The following CCDC30 variants were observed in gnomAD, a reference collection of about 807,000 sequenced individuals.
CCDC30 encodes coiled-coil domain containing 30.
CCDC30 carries 70 observed loss-of-function variants against 100.2 expected under a neutral mutation model. The ratio of observed to expected loss-of-function variants is 0.70; its 90% CI spans 0.58 to 0.85. The LOEUF (loss-of-function observed/expected upper bound fraction) is 0.85. Ranked by LOEUF, CCDC30 falls within the 40% of genes least tolerant of loss-of-function variation. The probability of loss-of-function intolerance (pLI) is 0.00; values close to 1 mark genes in which losing one functional copy is unlikely to be tolerated. For synonymous variants in CCDC30, 233 were observed against 269.5 expected (o/e 0.86, Z 1.33); for missense variants, 652 against 771.2 (o/e 0.85, Z 1.83).
intron 6 of CCDC30, among the ~76,000 whole-genome samples, chr1:42,539,927 A>G (rs1644980184): frequency 6.6e-6 from 1 of 151,996 alleles, no homozygotes; most frequent in South Asian, 2.1e-4. Context: ...CTAAAAAAAA[A>G]AAAAAAGAAA....
intron 3 of CCDC30, 71 bp downstream of exon 3, chr1:42,482,887 A>C: frequency 1.0e-6 from 1 of 968,134 alleles, no homozygotes; most frequent in Non-Finnish European, 1.3e-6. Context: ...AGGGTGGAAC[A>C]TGAGAAAAAA....
chr1:42,566,985 T>C (rs1445715137), intron 7 of CCDC30, among the ~76,000 whole-genome samples: 2 of 152,186 alleles, frequency 1.3e-5, no homozygotes, highest in Non-Finnish European at 2.9e-5. Context: ...ATGGACCACA[T>C]AAATGTTTAA....
upstream of CCDC30, among the ~76,000 whole-genome samples, chr1:42,463,049 T>A (rs997143865): frequency 6.6e-6 from 1 of 152,238 alleles, no homozygotes; most frequent in African/African-American, 2.4e-5. Flanking sequence ...AGACAAAATG[T>A]ATTCGCTAAG....
intron 6 of CCDC30, chr1:42,545,471 C>A: frequency 1.9e-6 from 3 of 1,603,250 alleles, no homozygotes; most frequent in Non-Finnish European, 2.6e-6. Flanking sequence ...GGAAAAACTG[C>A]ACCTTCTAAT....
intron 6 of CCDC30, chr1:42,510,196 T>A (rs1438494211): frequency 8.0e-6 from 6 of 752,962 alleles, no homozygotes; most frequent in South Asian, 6.0e-5. Context: ...ATGATTCCCC[T>A]GTTTCTTTAC....
chr1:42,562,432 T>C (rs111466038), intron 6 of CCDC30, among the ~76,000 whole-genome samples: 58,510 of 152,072 alleles, frequency 0.38, 11,779 homozygotes, highest in East Asian at 0.59. Context: ...GACCCCTTCC[T>C]GACACCTTAA....
chr1:42,559,052 A>C (rs1330379358), intron 6 of CCDC30, among the ~76,000 whole-genome samples: 1 of 152,202 alleles, frequency 6.6e-6, no homozygotes. Context: ...TAAGCGTCAT[A>C]AGTGAAGGAG....
intron 6 of CCDC30, among the ~76,000 whole-genome samples, chr1:42,532,993 G>A (rs531504839): frequency 4.6e-5 from 7 of 152,126 alleles, no homozygotes; most frequent in South Asian, 4.1e-4. Flanking sequence ...TCCTGACCTC[G>A]TGATCCACCC....
exon 13 of CCDC30, chr1:42,642,500 G>C (rs1289748388): frequency 4.4e-6 from 7 of 1,595,394 alleles, no homozygotes; most frequent in Non-Finnish European, 6.0e-6. Context: ...CCAGATCACT[G>C]CCCAAAATGA....
chr1:42,614,262 A>G (rs959093359), intron 11 of CCDC30, among the ~76,000 whole-genome samples: 11 of 151,084 alleles, frequency 7.3e-5, no homozygotes, highest in Non-Finnish European at 1.5e-4. Flanking sequence ...TTGTATTTTT[A>G]TTACAGACAG....
chr1:42,624,269 GA>G (rs1646892677), intron 11 of CCDC30, among the ~76,000 whole-genome samples: 1 of 152,106 alleles, frequency 6.6e-6, no homozygotes, highest in Non-Finnish European at 1.5e-5. Flanking sequence ...AAAGGATGTT[GA>G]ATTTTATCAA....
At chr1:42,500,128 G>C (rs1644286807) in intron 6 of CCDC30, 2 of 1,313,590 alleles carry the variant, frequency 1.5e-6, no homozygotes, top group Admixed American at 1.7e-5. Flanking sequence ...ATCTTACAAA[G>C]TTAAACAGCT....
chr1:42,459,686 G>A (rs756199633), upstream of CCDC30: 22 of 1,614,094 alleles, frequency 1.4e-5, no homozygotes, highest in Non-Finnish European at 1.9e-5. Flanking sequence ...CCTTTAAGTT[G>A]GAGACTGACC....
At chr1:42,545,135 C>A (rs1645096486) in intron 6 of CCDC30, among the ~76,000 whole-genome samples, 1 of 133,628 alleles carries the variant, frequency 7.5e-6, no homozygotes, top group Non-Finnish European at 1.5e-5. Flanking sequence ...ACTCTGAGAA[C>A]CCAACCCCAG....
chr1:42,621,027 G>A (rs1026037654), intron 11 of CCDC30, among the ~76,000 whole-genome samples: 1 of 152,184 alleles, frequency 6.6e-6, no homozygotes, highest in African/African-American at 2.4e-5. Flanking sequence ...CAAAATTAAT[G>A]TAAGTAGAGA....
chr1:42,486,805 A>G (rs952194119), intron 3 of CCDC30, among the ~76,000 whole-genome samples: 2 of 152,098 alleles, frequency 1.3e-5, no homozygotes, highest in Admixed American at 1.3e-4. Context: ...AACTCCTGAC[A>G]CTCATATGAT....
At chr1:42,580,705 C>A in intron 8 of CCDC30, 2 of 317,650 alleles carry the variant, frequency 6.3e-6, no homozygotes, top group Non-Finnish European at 1.2e-5. Flanking sequence ...TAAAATATAA[C>A]AGTCTCTCTT....
intron 8 of CCDC30, chr1:42,581,029 G>A: frequency 2.7e-6 from 1 of 365,818 alleles, no homozygotes; most frequent in South Asian, 2.2e-5. Flanking sequence ...TTGTAAATAT[G>A]GGGTTTTACC....
At chr1:42,540,671 A>G (rs1316378826) in intron 6 of CCDC30, among the ~76,000 whole-genome samples, 1 of 127,224 alleles carries the variant, frequency 7.9e-6, no homozygotes, top group East Asian at 3.1e-4. Context: ...ACACACACAT[A>G]CACATACACA....
Sources: gnomAD v4.1 joint callset for allele counts (sites outside exome capture counted in the v4.1 genomes callset) on GRCh38, gnomAD v4.1.1 for gene constraint, MANE v1.5 for transcripts, NCBI Gene and HGNC (gene_info 2026-07-23, HGNC 2026-07-21) for gene names.